Variants in CRTAC1 observed in about 807,000 individuals in gnomAD.
CRTAC1 encodes cartilage acidic protein 1.
In CRTAC1, 37 loss-of-function variants were observed where a neutral mutation model predicts 67.8. The ratio of observed to expected loss-of-function variants is 0.55; its 90% CI spans 0.42 to 0.72. The LOEUF (loss-of-function observed/expected upper bound fraction) is 0.72, where lower values mean the gene tolerates loss of function less well. Ranked by LOEUF, CRTAC1 falls within the 30% of genes least tolerant of loss-of-function variation. The pLI, the probability that CRTAC1 is intolerant of heterozygous loss-of-function variation, is 0.00. For synonymous variants in CRTAC1, 348 were observed against 371.0 expected (o/e 0.94, Z 0.71); for missense variants, 780 against 931.6 (o/e 0.84, Z 2.12).
intron 2 of CRTAC1, among the ~76,000 whole-genome samples, chr10:97,972,967 G>A (rs918020417): frequency 6.6e-6 from 1 of 152,028 alleles, no homozygotes; most frequent in African/African-American, 2.4e-5. Context: ...GAAGCACTGT[G>A]TCAAGTGTAA....
intron 14 of CRTAC1, among the ~76,000 whole-genome samples, chr10:97,871,991 GTTACACACAAGC>G (rs1409931486): frequency 1.3e-5 from 2 of 152,214 alleles, no homozygotes; most frequent in Non-Finnish European, 2.9e-5. Flanking sequence ...AGGGGGCAAT[GTTACACACAAGC>G]TTACACACAG....
At chr10:97,928,960 T>G in intron 3 of CRTAC1, among the ~76,000 whole-genome samples, 1 of 151,050 alleles carries the variant, frequency 6.6e-6, no homozygotes, top group African/African-American at 2.4e-5. Flanking sequence ...GGCAGTGGAG[T>G]GAAGGGTGAA....
At chr10:97,905,807 A>G (rs943926246) in intron 6 of CRTAC1, among the ~76,000 whole-genome samples, 1 of 152,200 alleles carries the variant, frequency 6.6e-6, no homozygotes, top group East Asian at 1.9e-4. Context: ...GCCTGGTGAG[A>G]CCTGGAAAGC....
At chr10:97,879,597 G>GGA (rs1165470713) in intron 14 of CRTAC1, 3 of 1,483,454 alleles carry the variant, frequency 2.0e-6, no homozygotes, top group South Asian at 1.4e-5. Context: ...TACTGGGCGT[G>GGA]GAGAGAGAGA....
At chr10:98,025,973 G>A (rs1843225207) in intron 1 of CRTAC1, among the ~76,000 whole-genome samples, 2 of 152,212 alleles carry the variant, frequency 1.3e-5, no homozygotes, top group South Asian at 2.1e-4. Context: ...TGCCAAGAAG[G>A]CCTTGCCCAT....
chr10:97,967,488 G>T (rs563582305), intron 2 of CRTAC1, among the ~76,000 whole-genome samples: 2 of 152,318 alleles, frequency 1.3e-5, no homozygotes, highest in South Asian at 4.1e-4. Context: ...AGGTGTGCTT[G>T]TTGATACTGG....
At chr10:97,962,903 C>CA (rs907599090) in intron 2 of CRTAC1, among the ~76,000 whole-genome samples, 17 of 151,220 alleles carry the variant, frequency 1.1e-4, no homozygotes, top group South Asian at 6.3e-4. Context: ...AAACAAAAAA[C>CA]AAAAAAAACA....
At chr10:98,000,166 G>C (rs1406263100) in intron 2 of CRTAC1, among the ~76,000 whole-genome samples, 1 of 152,200 alleles carries the variant, frequency 6.6e-6, no homozygotes, top group East Asian at 1.9e-4. Flanking sequence ...TTGGGACCTG[G>C]AGAATGGCAA....
At chr10:97,990,497 C>G (rs1423613362) in intron 2 of CRTAC1, among the ~76,000 whole-genome samples, 1 of 152,170 alleles carries the variant, frequency 6.6e-6, no homozygotes, top group Non-Finnish European at 1.5e-5. Context: ...CCTTTCCAAC[C>G]CCATTTTGTT....
At chr10:97,941,600 G>A (rs891547316) in intron 2 of CRTAC1, among the ~76,000 whole-genome samples, 23 of 152,046 alleles carry the variant, frequency 1.5e-4, no homozygotes, top group Non-Finnish European at 3.1e-4. Context: ...CTAAGGCCAG[G>A]AACCTGCGTC....
At chr10:98,004,337 C>A in intron 2 of CRTAC1, among the ~76,000 whole-genome samples, 1 of 152,186 alleles carries the variant, frequency 6.6e-6, no homozygotes, top group East Asian at 1.9e-4. Flanking sequence ...GTAGAAGAGG[C>A]CCTCTTTTCC....
intron 2 of CRTAC1, among the ~76,000 whole-genome samples, chr10:97,944,960 T>C (rs2051241761): frequency 6.6e-6 from 1 of 152,204 alleles, no homozygotes; most frequent in Non-Finnish European, 1.5e-5. Context: ...CCAGCTGATG[T>C]CACATGGAGC....
In CRTAC1 at chr10:97,878,523, A is replaced by C. The variant is rs1039791189; in HGVS notation, c.1819+1726T>G. On this transcript the variant is annotated intron_variant, in intron 14 of 14. Coordinates refer to ENST00000370597, the MANE Select transcript of CRTAC1 (RefSeq NM_018058.7). ...TGTAATTTTATTATATCCTGGGATG[A>C]CTTTTTTTCCCCATGAAGAATAGAT... The C allele has an allele frequency of 1.9e-5, 20 of 1,061,434 alleles. No homozygotes were observed. In the Middle Eastern group the frequency reaches 7.6e-4, roughly 40 times the overall value. 65.8% of individuals were successfully genotyped at this position (1,061,434 alleles called of 1,614,324 possible).
rs1221550741 is a variant in CRTAC1 at position 98,012,088 on chromosome 10, A to G, written c.25-751T>C. Reference sequence around the variant, plus strand: ...AGACCAAGAAGCAGTCAGTTAGGGGAGGCGTTCCAGCAGGATCTGGCGGAT... The same window carrying G: ...AGACCAAGAAGCAGTCAGTTAGGGGGGGCGTTCCAGCAGGATCTGGCGGAT... On this transcript the variant is annotated intron_variant, in intron 1 of 14. Transcript: ENST00000370597. 2.6e-5 allele frequency among the ~76,000 whole-genome samples: 4 copies of G among 152,198 alleles called. No individual in the cohort carries two copies. In the East Asian group the frequency reaches 7.7e-4, roughly 29 times the overall value.
intron 1 of CRTAC1, among the ~76,000 whole-genome samples, chr10:98,022,430 C>T (rs1024483711): frequency 1.3e-5 from 2 of 151,372 alleles, no homozygotes; most frequent in Non-Finnish European, 2.9e-5. Flanking sequence ...TCGACACAAG[C>T]CATAGGAGGG....
At chr10:97,973,311 CA>C (rs1453782427) in intron 2 of CRTAC1, among the ~76,000 whole-genome samples, 1 of 152,172 alleles carries the variant, frequency 6.6e-6, no homozygotes, top group Non-Finnish European at 1.5e-5. Context: ...CCCTAATTCA[CA>C]CACCAACAAA....
At chr10:98,002,092 C>T (rs537010183) in intron 2 of CRTAC1, among the ~76,000 whole-genome samples, 1 of 152,086 alleles carries the variant, frequency 6.6e-6, no homozygotes, top group African/African-American at 2.4e-5. Flanking sequence ...CAGTAGGGCC[C>T]GCGGGACTAA....
chr10:97,887,451 C>T (rs917291505), intron 11 of CRTAC1, among the ~76,000 whole-genome samples: 1 of 152,104 alleles, frequency 6.6e-6, no homozygotes, highest in Non-Finnish European at 1.5e-5. Flanking sequence ...CCATGTTGGT[C>T]AGGCTGGTCT....
chr10:97,908,267 G>T (rs536008045), intron 5 of CRTAC1, 120 bp from the exon 6 acceptor site: 15 of 1,062,454 alleles, frequency 1.4e-5, no homozygotes, highest in Non-Finnish European at 1.9e-5. Context: ...GGAGCCTGGG[G>T]GGAATTCTGC....
Sources: allele counts gnomAD v4.1 joint callset (sites outside exome capture counted in the v4.1 genomes callset), GRCh38; gene constraint gnomAD v4.1.1; transcripts MANE v1.5; gene names NCBI Gene and HGNC (gene_info 2026-07-23, HGNC 2026-07-21).